The following CACNB3 variants were observed in gnomAD, a reference collection of about 807,000 sequenced individuals.
CACNB3 encodes voltage-dependent L-type calcium channel subunit beta-3.
CACNB3 carries 36 observed loss-of-function variants against 63.7 expected under a neutral mutation model. That is an observed-to-expected ratio of 0.57 (90% CI 0.43 to 0.75). The LOEUF is 0.75. CACNB3 is among the 30% of genes least tolerant of loss of function. CACNB3 has a pLI of 0.00. For synonymous variants in CACNB3, 241 were observed against 250.6 expected (o/e 0.96, Z 0.36); for missense variants, 493 against 648.6 (o/e 0.76, Z 2.61).
Position 48,827,670 on chromosome 12 carries a change from G to A in CACNB3, c.1226G>A (p.Ser409Asn), listed in dbSNP as rs955240432. 6.2e-7 allele frequency: 1 copy of A among 1,613,846 alleles called. No individual in the cohort carries two copies. Among genetic ancestry groups the A allele is most frequent in the African/African-American group, 1.3e-5 (1 of 75,034 alleles). Residue 409 changes from serine to asparagine, a missense_variant, in exon 13 of 13, where the codon AGC (serine) becomes AAC (asparagine). Transcript: ENST00000301050. ...ATGCCCTCTGATGAGGCCAGCGAGA[G>A]CTCCCGCCAAGCCTGGACAGGATCT... ...SLMPSDEASE[S>N]SRQAWTGSSQ...
Position 48,828,037 on chromosome 12 carries a change from G to C in CACNB3, c.*138G>C. 2.7e-6 allele frequency: 2 copies of C among 732,094 alleles called. No homozygotes were observed. The highest frequency in any genetic ancestry group is 4.5e-6 in the Non-Finnish European group (2 of 443,430). 45.3% of individuals were successfully genotyped at this position (732,094 alleles called of 1,614,324 possible). The stretch of plus-strand genomic sequence containing the variant: ...ACCCCCTGCCCAGCCCCAGCTTCAG[G>C]GCTGCCTGTGGTCCCAAGGTTCTGG... On this transcript the variant is annotated 3_prime_UTR_variant, in exon 13 of 13. Coordinates refer to ENST00000301050, the MANE Select transcript of CACNB3 (RefSeq NM_000725.4).
rs924407143 is a variant in CACNB3 at position 48,818,835 on chromosome 12, G to A, written c.-95G>A. The A allele has an allele frequency of 9.2e-6, 13 of 1,412,140 alleles. No homozygotes were observed. Among genetic ancestry groups the A allele is most frequent in the African/African-American group, 1.5e-5 (1 of 65,420 alleles). The allele number at this position is 1,412,140 out of a possible 1,614,324, so 87.5% of individuals were successfully genotyped here. ...CGCCGCCCGCAGGGCTGCGGGGCTC[G>A]GTGGCATCTCCCGGGCGCGGCCCGC... On this transcript the variant is annotated 5_prime_UTR_variant, in exon 1 of 13. Coordinates refer to ENST00000301050, the MANE Select transcript of CACNB3 (RefSeq NM_000725.4). The surrounding 1 kb of genome is among the most constrained non-coding windows in gnomAD (Gnocchi z 4.3).
Position 48,827,992 on chromosome 12 carries a change from C to A in CACNB3, c.*93C>A. 1 of 1,093,368 alleles carries A rather than the reference C, an allele frequency of 9.1e-7. No homozygotes were observed. Among genetic ancestry groups the A allele is most frequent in the Non-Finnish European group, 1.3e-6 (1 of 749,568 alleles). 67.7% of individuals were successfully genotyped at this position (1,093,368 alleles called of 1,614,324 possible). A position where few individuals can be genotyped will look rare whatever the true frequency, so the allele number is the denominator to read the frequency against. ...TGGCGTTAGACTGGCATCAGGCTGG[C>A]ACTAGGCTCAGCCCCCAAAACCCCC... On this transcript the variant is annotated 3_prime_UTR_variant, in exon 13 of 13. Coordinates refer to ENST00000301050, the MANE Select transcript of CACNB3 (RefSeq NM_000725.4).
chr12:48,825,987 C>G lies in CACNB3; in HGVS notation c.742+218C>G, dbSNP rs1938117333. Among the ~76,000 whole-genome samples, 1 of 152,126 alleles carries G rather than the reference C, an allele frequency of 6.6e-6. No homozygotes were observed. The highest frequency in any genetic ancestry group is 2.1e-4 in the South Asian group (1 of 4,820). On this transcript the variant is annotated intron_variant, in intron 9 of 12. Transcript: ENST00000301050. The surrounding 1 kb of genome is among the most constrained non-coding windows in gnomAD (Gnocchi z 4.5). Reference sequence around the variant, plus strand: ...GGGACTACAGGCGCCCATCACCACGCCCAGCTAATTTTTGCATTTTTAGTA... The same window carrying G: ...GGGACTACAGGCGCCCATCACCACGGCCAGCTAATTTTTGCATTTTTAGTA...
chr12:48,818,246 G>A (rs112241723), upstream of CACNB3: 9,060 of 155,212 alleles, frequency 0.058, 909 homozygotes, highest in African/African-American at 0.21. This position sits in a 1 kb window ranked among gnomAD's most constrained non-coding sequence, Gnocchi z 4.3. Context: ...TGTCTCCCAC[G>A]GTCTCCCCAT....
At chr12:48,815,421 G>A, upstream of CACNB3, 1 of 671,922 alleles carries the variant, frequency 1.5e-6, no homozygotes, top group Non-Finnish European at 2.4e-6. Context: ...CAGGAGAGAC[G>A]GAAGTGGAGA....
Position 48,828,435 on chromosome 12 carries a change from G to C in CACNB3, c.*536G>C, listed in dbSNP as rs573153833. On this transcript the variant is annotated 3_prime_UTR_variant, in exon 13 of 13. Transcript: ENST00000301050. ...CCCCCCCAGGGTGGCACACCCATCTGTTTGCTGGGGTGTGGCAGCCACATC... is the reference window on the plus strand; with the variant it reads ...CCCCCCCAGGGTGGCACACCCATCTCTTTGCTGGGGTGTGGCAGCCACATC... 5.9e-6 allele frequency: 2 copies of C among 340,446 alleles called. No individual in the cohort carries two copies. Among genetic ancestry groups the C allele is most frequent in the African/African-American group, 4.3e-5 (2 of 46,500 alleles). 21.1% of individuals were successfully genotyped at this position (340,446 alleles called of 1,614,324 possible).
In CACNB3 at chr12:48,827,896, C is replaced by T. The variant is rs143191765; in HGVS notation, c.1452C>T (p.Tyr484=). ...QRNRPWPKDS[Y] The stretch of plus-strand genomic sequence containing the variant: ...ACCGGCCTTGGCCCAAGGATAGCTA[C>T]TGACAGCCTCCTGCTGCCCTACCCT... Residue 484 remains tyrosine, a synonymous_variant, in exon 13 of 13, where the codon TAC becomes TAT. Coordinates refer to ENST00000301050, the MANE Select transcript of CACNB3 (RefSeq NM_000725.4). 64 of 1,612,006 alleles carry T rather than the reference C, an allele frequency of 4.0e-5. 1 individual carries two copies. The highest frequency in any genetic ancestry group is 5.2e-5 in the Non-Finnish European group (61 of 1,178,566).
upstream of CACNB3, among the ~76,000 whole-genome samples, chr12:48,816,164 C>G (rs1942283888): frequency 6.6e-6 from 1 of 152,184 alleles, no homozygotes; most frequent in African/African-American, 2.4e-5. Flanking sequence ...ATTCAGTGCC[C>G]AGGGACTGGG....
chr12:48,815,030 T>C (rs1942251284), upstream of CACNB3: 1 of 161,096 alleles, frequency 6.2e-6, no homozygotes, highest in Non-Finnish European at 1.3e-5. Flanking sequence ...CCGATCCCTC[T>C]GGAGACACAG....
chr12:48,828,052 C>A lies in CACNB3; in HGVS notation c.*153C>A. 1 of 686,186 alleles carries A rather than the reference C, an allele frequency of 1.5e-6. No homozygotes were observed. The highest frequency in any genetic ancestry group is 1.9e-5 in the South Asian group (1 of 53,502). The allele number at this position is 686,186 out of a possible 1,614,324, so 42.5% of individuals were successfully genotyped here. On this transcript the variant is annotated 3_prime_UTR_variant, in exon 13 of 13. Coordinates refer to ENST00000301050, the MANE Select transcript of CACNB3 (RefSeq NM_000725.4). ...CCAGCTTCAGGGCTGCCTGTGGTCC[C>A]AAGGTTCTGGGAGAAACAGGGGACC...
At chr12:48,819,245 T>TG (rs1162197865) in intron 1 of CACNB3, among the ~76,000 whole-genome samples, 1 of 150,202 alleles carries the variant, frequency 6.7e-6, no homozygotes, top group Non-Finnish European at 1.5e-5. Context: ...GAAAGAGGGG[T>TG]GGGAGAAGGC....
At chr12:48,822,606 G>A (rs985470005) in intron 1 of CACNB3, among the ~76,000 whole-genome samples, 1 of 152,216 alleles carries the variant, frequency 6.6e-6, no homozygotes, top group Admixed American at 6.5e-5. Context: ...CACCCAGGGA[G>A]ACAGCTTTGT....
rs1346328465 is a variant in CACNB3 at position 48,828,537 on chromosome 12, C to A, written c.*638C>A. ...TGAAGCTCTTGGAGGGAAGGGCTCT[C>A]CTCACCCTGCCAGGAAGCTTCTTAA... is the stretch of plus-strand genomic sequence containing the variant. On this transcript the variant is annotated 3_prime_UTR_variant, in exon 13 of 13. Transcript: ENST00000301050. 2.6e-6 allele frequency: 1 copy of A among 390,980 alleles called. No individual in the cohort carries two copies. Among genetic ancestry groups the A allele is most frequent in the Non-Finnish European group, 5.1e-6 (1 of 194,922 alleles). 24.2% of individuals were successfully genotyped at this position (390,980 alleles called of 1,614,324 possible). A position where few individuals can be genotyped will look rare whatever the true frequency, so the allele number is the denominator to read the frequency against.
At chr12:48,818,418 G>T, upstream of CACNB3, 2 of 985,170 alleles carry the variant, frequency 2.0e-6, no homozygotes, top group Non-Finnish European at 2.4e-6. This position sits in a 1 kb window ranked among gnomAD's most constrained non-coding sequence, Gnocchi z 4.3. Flanking sequence ...TTCCTGGGTT[G>T]CCGAGCGTCT....
chr12:48,814,632 C>G, upstream of CACNB3: 1 of 1,372,900 alleles, frequency 7.3e-7, no homozygotes, highest in Middle Eastern at 1.9e-4. This position sits in a 1 kb window ranked among gnomAD's most constrained non-coding sequence, Gnocchi z 6.9. Context: ...AGAGCGCAGC[C>G]TGGGGTCTCC....
chr12:48,814,485 C>G, upstream of CACNB3: 1 of 1,529,400 alleles, frequency 6.5e-7, no homozygotes, highest in Non-Finnish European at 8.7e-7. This position sits in a 1 kb window ranked among gnomAD's most constrained non-coding sequence, Gnocchi z 6.9. Flanking sequence ...ACTCTGTACT[C>G]CCTGCTGCCC....
rs1174948941 is a variant in CACNB3 at position 48,823,388 on chromosome 12, C to T, written c.90C>T (p.Asp30=). ...SYTSRPSLDS[D]VSLEEDRESA... ...CCAGCCGCCCATCTCTGGACTCAGA[C>T]GTCTCCCTGGAGGAGGACCGGGAGA... Residue 30 remains aspartate, a synonymous_variant, in exon 2 of 13, where the codon GAC becomes GAT. Coordinates refer to ENST00000301050, the MANE Select transcript of CACNB3 (RefSeq NM_000725.4). The surrounding 1 kb of genome is among the most constrained non-coding windows in gnomAD (Gnocchi z 4.2). The T allele has an allele frequency of 1.2e-5, 19 of 1,614,018 alleles. No homozygotes were observed. Among genetic ancestry groups the T allele is most frequent in the South Asian group, 3.3e-5 (3 of 91,086 alleles).
At position 48,823,547 on chromosome 12, in the gene CACNB3, T is replaced by C; in HGVS notation, c.168+81T>C. 1 of 1,595,376 alleles carries C rather than the reference T, an allele frequency of 6.3e-7. No individual in the cohort carries two copies. Among genetic ancestry groups the C allele is most frequent in the Non-Finnish European group, 8.5e-7 (1 of 1,169,886 alleles). ...CTCGGTCCTAAGTCCCAAGGGGTCC[T>C]TGGGCAGGATGTCCTTGAGTGTGAG... is the stretch of plus-strand genomic sequence containing the variant. On this transcript the variant is annotated intron_variant, in intron 2 of 12. Transcript: ENST00000301050. This position sits in a 1 kb window ranked among gnomAD's most constrained non-coding sequence, Gnocchi z 4.2.
Sources: allele counts gnomAD v4.1 joint callset (sites outside exome capture counted in the v4.1 genomes callset), GRCh38; gene constraint gnomAD v4.1.1; non-coding constraint Gnocchi (gnomAD v3.1); transcripts MANE v1.5; gene names NCBI Gene and HGNC (gene_info 2026-07-23, HGNC 2026-07-21).